Variants in PALLD observed in about 807,000 individuals in gnomAD.
PALLD encodes palladin.
In PALLD, 61 loss-of-function variants were observed where a neutral mutation model predicts 123.5. That is an observed-to-expected ratio of 0.49 (90% CI 0.40 to 0.61). The LOEUF (loss-of-function observed/expected upper bound fraction) is 0.61. Ranked by LOEUF, PALLD falls within the 20% of genes least tolerant of loss-of-function variation. The pLI is 0.00. For missense variants in PALLD, 1,273 were observed against 1,377.0 expected, an observed-to-expected ratio of 0.92 and a Z score of 1.20; for synonymous variants, 465 against 496.4, an observed-to-expected ratio of 0.94 and a Z score of 0.84.
chr4:168,565,429 G>A (rs568045111), intron 2 of PALLD, among the ~76,000 whole-genome samples: 2 of 152,284 alleles, frequency 1.3e-5, no homozygotes, highest in African/African-American at 4.8e-5. Context: ...AGGAGGCTTA[G>A]AGATAAGTCA....
intron 10 of PALLD, among the ~76,000 whole-genome samples, chr4:168,816,860 G>A (rs1426152273): frequency 7.9e-6 from 1 of 126,718 alleles, no homozygotes; most frequent in African/African-American, 3.1e-5. Flanking sequence ...GTGTGTGTGT[G>A]TGTGTGTGTG....
At chr4:168,712,998 T>G (rs1242646364) in intron 10 of PALLD, among the ~76,000 whole-genome samples, 1 of 152,242 alleles carries the variant, frequency 6.6e-6, no homozygotes, top group African/African-American at 2.4e-5. Context: ...TGAACAACAT[T>G]AGACTAATCA....
In PALLD at chr4:168,869,899, A is replaced by C. The variant is rs1750850726; in HGVS notation, c.1965-21023A>C. On this transcript the variant is annotated intron_variant, in intron 10 of 21. Coordinates refer to ENST00000505667, the MANE Select transcript of PALLD (RefSeq NM_001166108.2). The surrounding 1 kb of genome is among the most constrained non-coding windows in gnomAD (Gnocchi z 4.5). Reference sequence around the variant, plus strand: ...AGATCTTGGTAAGGTACCCATATTTAGAGAGATGGAGAACCAGTGAAGGAA... The same window carrying C: ...AGATCTTGGTAAGGTACCCATATTTCGAGAGATGGAGAACCAGTGAAGGAA... Among the ~76,000 whole-genome samples the C allele has an allele frequency of 1.3e-5, 2 of 152,298 alleles. No homozygotes were observed. Among genetic ancestry groups the C allele is most frequent in the South Asian group, 4.1e-4 (2 of 4,828 alleles).
intron 2 of PALLD, among the ~76,000 whole-genome samples, chr4:168,653,857 T>C (rs1006155312): frequency 3.8e-4 from 58 of 151,970 alleles, no homozygotes; most frequent in African/African-American, 1.3e-3. Flanking sequence ...CCCGCCACCA[T>C]GCCCAGCTAA....
intron 2 of PALLD, chr4:168,631,665 C>T: frequency 1.0e-6 from 1 of 985,440 alleles, no homozygotes; most frequent in Non-Finnish European, 1.2e-6. Context: ...GAGTCGTGGC[C>T]GCTGCGCCGC....
At chr4:168,905,961 G>A (rs150800436) in intron 15 of PALLD, among the ~76,000 whole-genome samples, 10 of 151,574 alleles carry the variant, frequency 6.6e-5, no homozygotes, top group Admixed American at 1.3e-4. Context: ...TAATAGAGAC[G>A]GGGTTTCACC....
At chr4:168,517,288 AC>A (rs1219297420) in intron 2 of PALLD, among the ~76,000 whole-genome samples, 2 of 152,182 alleles carry the variant, frequency 1.3e-5, no homozygotes. Flanking sequence ...GTCAAAAAAA[AC>A]TTTTAAACAC....
intron 1 of PALLD, among the ~76,000 whole-genome samples, chr4:168,509,664 A>G (rs1409400633): frequency 1.3e-5 from 2 of 152,196 alleles, no homozygotes; most frequent in Non-Finnish European, 2.9e-5. Context: ...TTACTTGAAG[A>G]AGAGTGCGAA....
chr4:168,908,632 GTTAT>G (rs1273380001), intron 15 of PALLD, among the ~76,000 whole-genome samples: 2 of 152,002 alleles, frequency 1.3e-5, no homozygotes, highest in African/African-American at 4.8e-5. Context: ...AAATTTTAAA[GTTAT>G]TTGAGTTTAG....
At chr4:168,547,379 C>T (rs116433653) in intron 2 of PALLD, among the ~76,000 whole-genome samples, 1 of 151,516 alleles carries the variant, frequency 6.6e-6, no homozygotes, top group Non-Finnish European at 1.5e-5. Flanking sequence ...AGCATAACAC[C>T]GCCAATAACA....
At chr4:168,498,335 TTC>T (rs1760972535) in intron 1 of PALLD, among the ~76,000 whole-genome samples, 2 of 149,762 alleles carry the variant, frequency 1.3e-5, no homozygotes, top group Non-Finnish European at 3.0e-5. Context: ...TCCTCTGGGT[TTC>T]TCTGTTATTG....
chr4:168,623,420 C>T (rs1716978518), intron 2 of PALLD, among the ~76,000 whole-genome samples: 1 of 152,202 alleles, frequency 6.6e-6, no homozygotes, highest in African/African-American at 2.4e-5. Flanking sequence ...CTTTAATGCT[C>T]ACATAAGCAA....
intron 1 of PALLD, among the ~76,000 whole-genome samples, chr4:168,508,868 C>G (rs1762269693): frequency 6.6e-6 from 1 of 152,108 alleles, no homozygotes; most frequent in African/African-American, 2.4e-5. Flanking sequence ...TGATCCTGAT[C>G]CTGGCTTCCC....
chr4:168,734,483 G>A (rs557283874), intron 10 of PALLD, among the ~76,000 whole-genome samples: 9 of 152,212 alleles, frequency 5.9e-5, no homozygotes, highest in Non-Finnish European at 1.0e-4. Flanking sequence ...GGTGCAGCTC[G>A]AAATTGCACG....
At chr4:168,643,126 T>C (rs1344486267) in intron 2 of PALLD, among the ~76,000 whole-genome samples, 3 of 152,230 alleles carry the variant, frequency 2.0e-5, no homozygotes, top group Admixed American at 1.3e-4. Flanking sequence ...AAATGTTGGA[T>C]GACTTGTTAA....
chr4:168,537,154 A>G (rs10024602), intron 2 of PALLD, among the ~76,000 whole-genome samples: 3,493 of 152,202 alleles, frequency 0.023, 141 homozygotes, highest in African/African-American at 0.08. Flanking sequence ...AGTGCTTTCA[A>G]ATTATCTTTA....
chr4:168,514,179 C>T (rs955292349), intron 2 of PALLD, among the ~76,000 whole-genome samples: 1 of 152,082 alleles, frequency 6.6e-6, no homozygotes, highest in Admixed American at 6.6e-5. Flanking sequence ...GTAGACATCA[C>T]TGGCTAAAGA....
chr4:168,781,602 A>C (rs1157875068), intron 10 of PALLD, among the ~76,000 whole-genome samples: 2 of 152,228 alleles, frequency 1.3e-5, no homozygotes, highest in African/African-American at 2.4e-5. Flanking sequence ...GGCTGTCAGC[A>C]TTGAGGAAAA....
chr4:168,555,413 G>C (rs1033534247), intron 2 of PALLD, among the ~76,000 whole-genome samples: 4 of 152,134 alleles, frequency 2.6e-5, no homozygotes, highest in African/African-American at 9.7e-5. Context: ...GGTGGGGAGA[G>C]GGGTAATTTG....
Sources: gnomAD v4.1 joint callset for allele counts (sites outside exome capture counted in the v4.1 genomes callset) on GRCh38, gnomAD v4.1.1 for gene constraint, Gnocchi (gnomAD v3.1) non-coding constraint, MANE v1.5 for transcripts, NCBI Gene and HGNC (gene_info 2026-07-23, HGNC 2026-07-21) for gene names.